The following MYH1 variants were observed in gnomAD, a reference collection of about 807,000 sequenced individuals.
MYH1 encodes myosin heavy chain 1.
Under a neutral mutation model 225.6 loss-of-function variants are expected in MYH1, and 214 were observed. The observed-to-expected ratio is 0.95, with a 90% CI of 0.85 to 1.06. The LOEUF (loss-of-function observed/expected upper bound fraction) is 1.06. Among genes scored for constraint, MYH1 ranks in the 50% least tolerant of loss-of-function variants. The pLI, the probability that MYH1 is intolerant of heterozygous loss-of-function variation, is 0.00. For missense variants in MYH1, 2,098 were observed against 2,344.2 expected, an observed-to-expected ratio of 0.89 and a Z score of 2.17; for synonymous variants, 774 against 842.3, an observed-to-expected ratio of 0.92 and a Z score of 1.40.
Position 10,501,268 on chromosome 17 carries a change from C to T in MYH1, c.3580G>A (p.Ala1194Thr). 6.2e-7 allele frequency: 1 copy of T among 1,614,218 alleles called. No homozygotes were observed. Among genetic ancestry groups the T allele is most frequent in the Non-Finnish European group, 8.5e-7 (1 of 1,180,040 alleles). The change falls in exon 27 of 40, where the codon GCC (alanine) becomes ACC (threonine). Residue 1194 changes from alanine to threonine, a missense_variant. Ala to Thr is a moderately conservative substitution (Grantham distance 58). Coordinates refer to ENST00000226207, the MANE Select transcript of MYH1 (RefSeq NM_005963.4). ...EATLQHEATA[A>T]TLRKKHADSV... ...TCTGCATGCTTCTTCCTCAGGGTGG[C>T]CGCCGTGGCTTCATGCTGTAGGGTG...
chr17:10,497,809 C>T lies in MYH1; in HGVS notation c.4290G>A (p.Glu1430=). The T allele has an allele frequency of 1.2e-6, 2 of 1,614,102 alleles. No homozygotes were observed. The highest frequency in any genetic ancestry group is 1.6e-4 in the Middle Eastern group (1 of 6,062). The change falls in exon 31 of 40, where the codon GAG becomes GAA. Residue 1430 remains glutamate (E), a synonymous_variant. Coordinates refer to ENST00000226207, the MANE Select transcript of MYH1 (RefSeq NM_005963.4). ...KTKQRLQNEV[E]DLMIDVERTN... is the part of the protein sequence containing the mutation. ...TCCTCTCAACATCAATCATGAGGTC[C>T]TCAACTTCATTCTGGAGCCTCTGCT...
At chr17:10,510,411 T>C (rs1340439810) in intron 14 of MYH1, among the ~76,000 whole-genome samples, 2 of 152,168 alleles carry the variant, frequency 1.3e-5, no homozygotes, top group Non-Finnish European at 2.9e-5. Flanking sequence ...CATTTGCTCA[T>C]TTCATGGGTG....
At chr17:10,496,969 GC>G in intron 33 of MYH1, 99 bp downstream of exon 33, 1 of 1,482,758 alleles carries the variant, frequency 6.7e-7, no homozygotes, top group Non-Finnish European at 9.1e-7. Flanking sequence ...AGTTCATGGA[GC>G]AAAAATTATT....
chr17:10,500,818 C>A, intron 27 of MYH1, 66 bp from the exon 28 acceptor site: 1 of 1,601,470 alleles, frequency 6.2e-7, no homozygotes, highest in Non-Finnish European at 8.5e-7. Context: ...TTTCAGTAAT[C>A]TAAACATTCC....
At chr17:10,505,325 A>G in intron 20 of MYH1, 26 bp from the exon 21 acceptor site, 1 of 1,614,236 alleles carries the variant, frequency 6.2e-7, no homozygotes, top group Non-Finnish European at 8.5e-7. Context: ...ATTTCAGATC[A>G]GAAAATTTAC....
chr17:10,512,941 G>T lies in MYH1; in HGVS notation c.830C>A (p.Thr277Asn). 6.2e-7 allele frequency: 1 copy of T among 1,613,338 alleles called. No homozygotes were observed. Among genetic ancestry groups the T allele is most frequent in the Non-Finnish European group, 8.5e-7 (1 of 1,179,462 alleles). The change falls in exon 10 of 40, where the codon ACT (threonine) becomes AAT (asparagine). Residue 277 changes from threonine to asparagine, a missense_variant. Physicochemically the swap from Thr to Asn is moderately conservative, Grantham distance 65. Transcript: ENST00000226207. The part of the protein sequence containing the change: ...ETYLLEKSRV[T>N]FQLKAERSYH... ...GCTTCTTTCAGCCTTTAGCTGGAAA[G>T]TAACTCTAGACTTCTCCAGAAGATC...
In MYH1 at chr17:10,496,022, T is replaced by A. The variant is rs1388348688; in HGVS notation, c.5097A>T (p.Thr1699=). 1 of 1,614,094 alleles carries A rather than the reference T, an allele frequency of 6.2e-7. No individual in the cohort carries two copies. The highest frequency in any genetic ancestry group is 1.1e-5 in the South Asian group (1 of 91,084). The part of the protein sequence containing the change: ...IEELRATLEQ[T]ERSRKIAEQE... The stretch of plus-strand genomic sequence containing the variant: ...GTTCTGCGATTTTCCTGCTCCTCTC[T>A]GTCTGTTCCAGAGTGGCCCGCAGCT... Residue 1699 remains threonine, a synonymous_variant, in exon 35 of 40, where the codon ACA becomes ACT. Transcript: ENST00000226207.
At position 10,498,945 on chromosome 17, in the gene MYH1, TAATGACAAG is replaced by T. The variant is rs761572009; in HGVS notation, c.3984+20_3984+28del. 4 of 1,604,514 alleles carry T rather than the reference TAATGACAAG, an allele frequency of 2.5e-6. No homozygotes were observed. Among genetic ancestry groups the T allele is most frequent in the South Asian group, 1.1e-5 (1 of 90,594 alleles). On this transcript the variant is annotated intron_variant, in intron 29 of 39. Coordinates refer to ENST00000226207, the MANE Select transcript of MYH1 (RefSeq NM_005963.4). ...AGCGAAAAACAAATAACAAGAACAA[TAATGACAAG>T]AATGACAAGTGGAGCTTACCTTTAT... is the stretch of plus-strand genomic sequence containing the variant.
At chr17:10,496,924 G>A in intron 33 of MYH1, 145 bp downstream of exon 33, 5 of 1,092,312 alleles carry the variant, frequency 4.6e-6, no homozygotes, top group Non-Finnish European at 6.5e-6. Context: ...GGTTATGTTG[G>A]TTGTATGCAT....
At position 10,494,576 on chromosome 17, in the gene MYH1, G is replaced by A. The variant is rs774201277; in HGVS notation, c.5564C>T (p.Thr1855Ile). ...ACAGGCCATTTTCCTTACTTGGTAA[G>A]TGAGTTCCTTCACTTTTCTCTCATG... is the stretch of plus-strand genomic sequence containing the variant. ...RKHERKVKELTYQTEEDRKNI... is the reference protein window; with the variant it reads ...RKHERKVKELIYQTEEDRKNI... The change falls in exon 38 of 40, where the codon ACT becomes ATT. Residue 1855 changes from threonine (T) to isoleucine (I), a missense_variant. By Grantham distance (89) the Thr-to-Ile change is moderately conservative. Transcript: ENST00000226207. 4 of 1,613,922 alleles carry A rather than the reference G, an allele frequency of 2.5e-6. No homozygotes were observed. The highest frequency in any genetic ancestry group is 3.4e-6 in the Non-Finnish European group (4 of 1,179,982).
rs752581055 is a variant in MYH1 at position 10,503,213 on chromosome 17, A to G, written c.2727T>C (p.Cys909=). 1.3e-5 allele frequency: 21 copies of G among 1,614,120 alleles called. No individual in the cohort carries two copies. The East Asian group carries it at 3.8e-4, about 29-fold the overall frequency. The change falls in exon 23 of 40, where the codon TGT becomes TGC. Residue 909 remains cysteine (C), a synonymous_variant. Transcript: ENST00000226207. ...ADSLADAEER[C]DQLIKTKIQL... The stretch of plus-strand genomic sequence containing the variant: ...GGATTTTGGTTTTGATTAGCTGGTC[A>G]CACCTTTCCTCTGCATCAGCCAAGC...
chr17:10,504,212 G>A (rs971050081), intron 22 of MYH1, among the ~76,000 whole-genome samples: 4 of 152,140 alleles, frequency 2.6e-5, no homozygotes, highest in African/African-American at 9.7e-5. Flanking sequence ...CCAAGCCTCT[G>A]GATAGTTACT....
In MYH1 at chr17:10,509,871, A is replaced by AT. The variant is rs568737624; in HGVS notation, c.1417-217dup. On this transcript the variant is annotated intron_variant, in intron 14 of 39. Transcript: ENST00000226207. Reference sequence around the variant, plus strand: ...GCTCTGAATGATGCTTTCCTATGCAATAAAAAAAAGTTGTTTGGAGCTGGA... The same window carrying AT: ...GCTCTGAATGATGCTTTCCTATGCAATTAAAAAAAAGTTGTTTGGAGCTGGA... Among the ~76,000 whole-genome samples, 287 of 152,294 alleles carry AT rather than the reference A, an allele frequency of 1.9e-3. 4 individuals carry two copies. The highest frequency in any genetic ancestry group is 6.5e-3 in the African/African-American group (269 of 41,558).
At chr17:10,498,557 C>T (rs2073019100) in intron 30 of MYH1, 69 bp downstream of exon 30, 6 of 1,596,780 alleles carry the variant, frequency 3.8e-6, no homozygotes, top group Admixed American at 3.4e-5. Context: ...AATGTTTTTT[C>T]CCTAGTTTTT....
At chr17:10,505,333 T>G (rs1281630910) in intron 20 of MYH1, 34 bp from the exon 21 acceptor site, 1 of 1,614,098 alleles carries the variant, frequency 6.2e-7, no homozygotes, top group African/African-American at 1.3e-5. Context: ...TCAGAAAATT[T>G]ACATAAAGTT....
rs756229241 is a variant in MYH1, at chr17:10,496,278, G to T, written c.4928C>A (p.Ala1643Asp). The stretch of plus-strand genomic sequence containing the variant: ...TTGGGTGTTCCTATAGTTCCTCAGG[G>T]CCTCAGCAGCCATGCGGTTGGCATG... ...LNHANRMAAE[A>D]LRNYRNTQAI... The change falls in exon 34 of 40, where the codon GCC (alanine) becomes GAC (aspartate). Residue 1643 changes from alanine (A) to aspartate (D), a missense_variant. Transcript: ENST00000226207. 1 of 1,614,122 alleles carries T rather than the reference G, an allele frequency of 6.2e-7. No homozygotes were observed. The highest frequency in any genetic ancestry group is 2.2e-5 in the East Asian group (1 of 44,862).
chr17:10,497,056 A>G lies in MYH1; in HGVS notation c.4656+13T>C, dbSNP rs201130761. On this transcript the variant is annotated intron_variant, in intron 33 of 39. Coordinates refer to ENST00000226207, the MANE Select transcript of MYH1 (RefSeq NM_005963.4). ...TCTTCTAATTGTTTTAGAGTATGCA[A>G]TAAAATGCTTACCTCTGCCTCCTCT... 8.7e-6 allele frequency: 14 copies of G among 1,611,290 alleles called. No individual in the cohort carries two copies. Among genetic ancestry groups the G allele is most frequent in the East Asian group, 2.2e-5 (1 of 44,848 alleles).
At chr17:10,508,011 T>A (rs1004349273) in intron 16 of MYH1, 55 bp from the exon 17 acceptor site, 3 of 1,310,282 alleles carry the variant, frequency 2.3e-6, no homozygotes, top group Admixed American at 4.7e-5. Context: ...TATGGTTTTT[T>A]TTTTTTGTTT....
rs1237184500 is a variant in MYH1, at chr17:10,512,392, GA to G, written c.1147+15del. ...TATATTCTCTCATTAAACCCAGATG[GA>G]GATTCATTTGGTACCTTCAGTGCCA... On this transcript the variant is annotated intron_variant, in intron 12 of 39. Transcript: ENST00000226207. The G allele has an allele frequency of 5.0e-6, 8 of 1,613,964 alleles. No homozygotes were observed. In the African/African-American group the frequency reaches 1.1e-4, roughly 22 times the overall value.
Sources: gnomAD v4.1 joint callset for allele counts (sites outside exome capture counted in the v4.1 genomes callset) on GRCh38, gnomAD v4.1.1 for gene constraint, MANE v1.5 for transcripts, NCBI Gene and HGNC (gene_info 2026-07-23, HGNC 2026-07-21) for gene names.